The following CROT variants were observed in gnomAD, a reference collection of about 807,000 sequenced individuals.
CROT encodes carnitine O-octanoyltransferase.
In CROT, 84 loss-of-function variants were observed where a neutral mutation model predicts 89.2. The ratio of observed to expected loss-of-function variants is 0.94; its 90% confidence interval spans 0.79 to 1.13. CROT has a LOEUF of 1.13. CROT is among the 50% of genes most tolerant of loss of function. CROT has a pLI of 0.00. For missense variants in CROT, 711 were observed against 727.8 expected (o/e 0.98, Z 0.27); for synonymous variants, 212 against 239.5 (o/e 0.89, Z 1.06).
At chr7:87,369,643 A>G (rs967360938) in intron 7 of CROT, 159 bp downstream of exon 7, 4 of 324,712 alleles carry the variant, frequency 1.2e-5, no homozygotes, top group African/African-American at 2.2e-5. Flanking sequence ...TTTTATTTAA[A>G]TTATTTTTAA....
In CROT at chr7:87,385,816, G is replaced by T. The variant is rs143778221; in HGVS notation, c.1301+3273G>T. Among the ~76,000 whole-genome samples the T allele has an allele frequency of 7.1e-3, 1,085 of 152,214 alleles. 19 individuals are homozygous for T. The South Asian group carries it at 0.072, about 10-fold the overall frequency. ...TCAGTATGATGTTAGCTCTGGATTT[G>T]TCATATGTGGCTTTTATTGTTTTGA... On this transcript the variant is annotated intron_variant, in intron 13 of 17. Coordinates refer to ENST00000331536, the MANE Select transcript of CROT (RefSeq NM_021151.4).
rs1806068438 is a variant in CROT at position 87,356,339 on chromosome 7, TTTG to T, written c.116-2864_116-2862del. On this transcript the variant is annotated intron_variant, in intron 3 of 17. Transcript: ENST00000331536. ...CATGAAAGTTTGAGGGTTTTTTATT[TTTG>T]TTTTTGTTTGTTTGTTTTGCCTTTT... Among the ~76,000 whole-genome samples the T allele has an allele frequency of 2.0e-5, 3 of 152,224 alleles. No homozygotes were observed. The South Asian group carries it at 6.2e-4, about 32-fold the overall frequency.
intron 17 of CROT, among the ~76,000 whole-genome samples, chr7:87,397,992 A>C (rs1807597320): frequency 6.6e-6 from 1 of 151,728 alleles, no homozygotes; most frequent in African/African-American, 2.4e-5. Flanking sequence ...CAGATCTGGG[A>C]TTTCTTATTA....
chr7:87,377,592 A>G (rs1360393780), intron 10 of CROT, 142 bp downstream of exon 10: 7 of 574,768 alleles, frequency 1.2e-5, no homozygotes, highest in Non-Finnish European at 1.8e-5. Context: ...TTAGTTATGA[A>G]TTCTCATTGA....
chr7:87,396,701 AAG>A (rs1554395148), intron 17 of CROT, among the ~76,000 whole-genome samples: 1 of 151,428 alleles, frequency 6.6e-6, no homozygotes, highest in African/African-American at 2.4e-5. Context: ...AAAAAAAAAA[AAG>A]TTGTTAAATA....
chr7:87,358,599 A>C (rs780870052), intron 3 of CROT, among the ~76,000 whole-genome samples: 3 of 152,162 alleles, frequency 2.0e-5, no homozygotes, highest in Non-Finnish European at 4.4e-5. Context: ...GTTAGAGTAA[A>C]GCAAATGTTA....
At chr7:87,397,112 G>A (rs1459061662) in intron 17 of CROT, among the ~76,000 whole-genome samples, 1 of 152,108 alleles carries the variant, frequency 6.6e-6, no homozygotes, top group Non-Finnish European at 1.5e-5. Context: ...CCAGCACTTT[G>A]GGAGGGATTA....
At chr7:87,386,579 ATTGT>A (rs1330178795) in intron 13 of CROT, among the ~76,000 whole-genome samples, 1 of 151,996 alleles carries the variant, frequency 6.6e-6, no homozygotes, top group Non-Finnish European at 1.5e-5. Flanking sequence ...ATTTGTCAAT[ATTGT>A]TTATCTTGTC....
chr7:87,348,150 G>A (rs915218972), intron 2 of CROT, among the ~76,000 whole-genome samples: 9 of 151,982 alleles, frequency 5.9e-5, no homozygotes, highest in East Asian at 1.9e-4. Context: ...CAATATTAAC[G>A]TTCTTTGATT....
chr7:87,369,950 G>A (rs1218246539), intron 7 of CROT, among the ~76,000 whole-genome samples: 1 of 143,302 alleles, frequency 7.0e-6, no homozygotes, highest in Admixed American at 6.8e-5. Flanking sequence ...TAACTCCCGT[G>A]TACCCATCTC....
At chr7:87,380,569 T>C (rs866646793) in intron 10 of CROT, among the ~76,000 whole-genome samples, 1 of 152,196 alleles carries the variant, frequency 6.6e-6, no homozygotes, top group Non-Finnish European at 1.5e-5. Flanking sequence ...TTAAACACTA[T>C]GTAAATACAT....
At chr7:87,354,820 A>G (rs934210374) in intron 3 of CROT, among the ~76,000 whole-genome samples, 5 of 152,216 alleles carry the variant, frequency 3.3e-5, no homozygotes, top group Admixed American at 3.3e-4. Flanking sequence ...ATCTTGTTTT[A>G]ACATCGGGGA....
At chr7:87,359,781 T>C (rs1806215474) in intron 4 of CROT, 1 of 985,394 alleles carries the variant, frequency 1.0e-6, no homozygotes, top group African/African-American at 1.7e-5. Flanking sequence ...TTATGTATAT[T>C]GTATATTTCA....
chr7:87,382,036 C>T (rs748672062), intron 11 of CROT, 38 bp from the exon 12 acceptor site: 1 of 1,570,236 alleles, frequency 6.4e-7, no homozygotes, highest in South Asian at 1.1e-5. Flanking sequence ...CCTAATAGTT[C>T]TATAGATAAA....
chr7:87,369,442 T>TCC lies in CROT; in HGVS notation c.614_615insCC (p.Ile206GlnfsTer17), dbSNP rs1260633168. ...CGAGGCCGAGCTTTTGTCTTTGATG[T>TCC]AATACATGAAGGATGTTTGGTCACC... On this transcript the variant is annotated frameshift_variant, in exon 7 of 18. Coordinates refer to ENST00000331536, the MANE Select transcript of CROT (RefSeq NM_021151.4). LOFTEE classifies it high-confidence loss of function. 3 of 1,613,296 alleles carry TCC rather than the reference T, an allele frequency of 1.9e-6. No individual in the cohort carries two copies. The African/African-American group carries it at 4.0e-5, about 22-fold the overall frequency.
intron 17 of CROT, among the ~76,000 whole-genome samples, chr7:87,394,245 T>C (rs753456431): frequency 9.9e-5 from 15 of 152,232 alleles, no homozygotes; most frequent in Non-Finnish European, 2.1e-4. Context: ...AAGTATCTCC[T>C]TAAGATGTCA....
chr7:87,382,649 C>T (rs551460543), intron 13 of CROT, 106 bp downstream of exon 13: 23 of 1,120,826 alleles, frequency 2.1e-5, no homozygotes, highest in South Asian at 1.3e-4. Context: ...CACTTTTTTC[C>T]CAGCTGGTAC....
chr7:87,394,657 C>T (rs899603372), intron 17 of CROT, among the ~76,000 whole-genome samples: 1 of 151,772 alleles, frequency 6.6e-6, no homozygotes, highest in Non-Finnish European at 1.5e-5. Context: ...ATTAAAAATG[C>T]AGCTTTTTGG....
chr7:87,385,456 T>C (rs1365432299), intron 13 of CROT, among the ~76,000 whole-genome samples: 1 of 152,182 alleles, frequency 6.6e-6, no homozygotes, highest in African/African-American at 2.4e-5. Context: ...GTAGCTATTG[T>C]AAATGGGATT....
Sources: gnomAD v4.1 joint callset for allele counts (sites outside exome capture counted in the v4.1 genomes callset) on GRCh38, gnomAD v4.1.1 for gene constraint, MANE v1.5 for transcripts, NCBI Gene and HGNC (gene_info 2026-07-23, HGNC 2026-07-21) for gene names.